MAP1A: variants seen among roughly 807,000 people sequenced by gnomAD.
The protein encoded by MAP1A is microtubule-associated protein 1A.
Under a neutral mutation model 185.9 loss-of-function variants are expected in MAP1A, and 42 were observed. The ratio of observed to expected loss-of-function variants is 0.23; its 90% CI spans 0.18 to 0.29. The LOEUF is 0.29. Among genes scored for constraint, MAP1A ranks in the 10% least tolerant of loss-of-function variants. The probability of loss-of-function intolerance (pLI) is 1.00; values close to 1 mark genes in which losing one functional copy is unlikely to be tolerated. For missense variants in MAP1A, 2,995 were observed against 3,450.4 expected (o/e 0.87, Z 3.31); for synonymous variants, 1,229 against 1,335.9 (o/e 0.92, Z 1.74).
chr15:43,512,450 C>G (rs573208709), intron 2 of MAP1A, among the ~76,000 whole-genome samples: 13 of 152,256 alleles, frequency 8.5e-5, no homozygotes, highest in Admixed American at 3.3e-4. Context: ...TCCCCACATA[C>G]CAAATATACT....
chr15:43,523,803 G>A lies in MAP1A; in HGVS notation c.2330G>A (p.Gly777Glu), dbSNP rs769583385. ...RFHTSTYDLP[G>E]PEGAGPFEAS... is the part of the protein sequence containing the mutation. ...CATACAAGTACATATGACCTGCCCG[G>A]GCCTGAAGGTGCTGGCCCATTCGAA... The change falls in exon 4 of 6, where the codon GGG becomes GAG. Residue 777 changes from glycine to glutamate, a missense_variant. Gly to Glu is a moderately conservative substitution (Grantham distance 98). Transcript: ENST00000300231. 4 of 1,614,018 alleles carry A rather than the reference G, an allele frequency of 2.5e-6. No homozygotes were observed. The highest frequency in any genetic ancestry group is 3.4e-6 in the Non-Finnish European group (4 of 1,180,006).
rs755422596 is a variant in MAP1A at position 43,526,321 on chromosome 15, G to A, written c.4848G>A (p.Glu1616=). ...AAGAGAAGTTAGAAGCTCTTCTGGA[G>A]AAGACCAAAGCTCTGGGCCTGGAAG... ...AMEEKLEALL[E]KTKALGLEES... Residue 1616 remains glutamate, a synonymous_variant, in exon 4 of 6, where the codon GAG becomes GAA. Transcript: ENST00000300231. This position sits in a 1 kb window ranked among gnomAD's most constrained non-coding sequence, Gnocchi z 4.7. The A allele has an allele frequency of 4.3e-6, 7 of 1,614,050 alleles. No homozygotes were observed. The highest frequency in any genetic ancestry group is 5.9e-6 in the Non-Finnish European group (7 of 1,180,016).
chr15:43,526,560 A>T lies in MAP1A; in HGVS notation c.5087A>T (p.Tyr1696Phe). Reference sequence around the variant, plus strand: ...GATGTGGCCTTGGAACAGGACACATACTGGAGGGAGCTAAGCTGTGAGCGG... The same window carrying T: ...GATGTGGCCTTGGAACAGGACACATTCTGGAGGGAGCTAAGCTGTGAGCGG... ...REDVALEQDT[Y>F]WRELSCERKV... is the part of the protein sequence containing the mutation. Residue 1696 changes from tyrosine (Y) to phenylalanine (F), a missense_variant, in exon 4 of 6, where the codon TAC (tyrosine) becomes TTC (phenylalanine). Tyr to Phe is a conservative substitution (Grantham distance 22). Transcript: ENST00000300231. The surrounding 1 kb of genome is among the most constrained non-coding windows in gnomAD (Gnocchi z 4.7). 6.2e-7 allele frequency: 1 copy of T among 1,614,182 alleles called. No individual in the cohort carries two copies. The highest frequency in any genetic ancestry group is 1.1e-5 in the South Asian group (1 of 91,088).
rs565966659 is a variant in MAP1A at position 43,530,440 on chromosome 15, G to A, written c.*216G>A. 3 of 588,696 alleles carry A rather than the reference G, an allele frequency of 5.1e-6. No individual in the cohort carries two copies. The highest frequency in any genetic ancestry group is 5.8e-5 in the East Asian group (2 of 34,440). 36.5% of individuals were successfully genotyped at this position (588,696 alleles called of 1,614,324 possible). On this transcript the variant is annotated 3_prime_UTR_variant, in exon 6 of 6. Transcript: ENST00000300231. ...AAACCAAAGTTAACAGGGAGAGGAT[G>A]GGGGAGGGGACAAATTAGAATAGGA...
rs201503662 is a variant in MAP1A, at chr15:43,527,929, A to G, written c.6456A>G (p.Ser2152=). The change falls in exon 4 of 6, where the codon TCA becomes TCG. Residue 2152 remains serine (S), a synonymous_variant. Coordinates refer to ENST00000300231, the MANE Select transcript of MAP1A (RefSeq NM_002373.6). Reference sequence around the variant, plus strand: ...CACATGTTAGCCCTCCCTTGGACTCACACCTGGGGCCTGCCCGACCCAGTC... The same window carrying G: ...CACATGTTAGCCCTCCCTTGGACTCGCACCTGGGGCCTGCCCGACCCAGTC... ...TEAHVSPPLD[S]HLGPARPSLD... The G allele has an allele frequency of 1.3e-4, 207 of 1,614,056 alleles. No individual in the cohort carries two copies. The African/African-American group carries it at 2.5e-3, about 20-fold the overall frequency.
At chr15:43,519,075 A>G (rs904797455) in intron 1 of MAP1A, among the ~76,000 whole-genome samples, 1 of 152,124 alleles carries the variant, frequency 6.6e-6, no homozygotes, top group Non-Finnish European at 1.5e-5. Flanking sequence ...TCCTACCTCA[A>G]ATTTATGACC....
At chr15:43,517,927 G>C (rs1011441812) in intron 1 of MAP1A, among the ~76,000 whole-genome samples, 5 of 152,348 alleles carry the variant, frequency 3.3e-5, no homozygotes, top group African/African-American at 1.2e-4. Context: ...CACCTCTCCA[G>C]CTGGGCGGGG....
Position 43,528,185 on chromosome 15 carries a change from TCTC to T in MAP1A, c.6715_6717del (p.Pro2239del). The stretch of plus-strand genomic sequence containing the variant: ...ACTGCCCCAGCTCCCATCACCCAGT[TCTC>T]CTGGGGCCCCTCTCCTCTCCAATCT... On this transcript the variant is annotated inframe_deletion, in exon 4 of 6. Transcript: ENST00000300231. The T allele has an allele frequency of 6.2e-7, 1 of 1,613,958 alleles. No individual in the cohort carries two copies. The highest frequency in any genetic ancestry group is 8.5e-7 in the Non-Finnish European group (1 of 1,179,988).
chr15:43,527,498 C>T lies in MAP1A; in HGVS notation c.6025C>T (p.Arg2009Ter), dbSNP rs936047904. The change falls in exon 4 of 6, where the codon CGA (arginine) becomes TGA (stop). Residue 2009 changes from arginine to a stop codon, truncating the protein, a stop_gained. Coordinates refer to ENST00000300231, the MANE Select transcript of MAP1A (RefSeq NM_002373.6). LOFTEE classifies it high-confidence loss of function. ...CTCAACCAAGGAGGCAGCTGCCGGCCGAAACACATCTGCAGAGAAGGAGCT... is the reference window on the plus strand; with the variant it reads ...CTCAACCAAGGAGGCAGCTGCCGGCTGAAACACATCTGCAGAGAAGGAGCT... ...CLSTKEAAAG[R>*]NTSAEKELSS... The T allele has an allele frequency of 1.9e-6, 3 of 1,614,062 alleles. No individual in the cohort carries two copies. Among genetic ancestry groups the T allele is most frequent in the Non-Finnish European group, 2.5e-6 (3 of 1,180,000 alleles).
At chr15:43,512,226 A>G in exon 2 of MAP1A, 1 of 1,549,990 alleles carries the variant, frequency 6.5e-7, no homozygotes, top group East Asian at 2.4e-5. Flanking sequence ...TCATCCTTTG[A>G]CTTGAACCAA....
chr15:43,529,895 A>T lies in MAP1A; in HGVS notation c.8256+25A>T, dbSNP rs1360060891. On this transcript the variant is annotated intron_variant, in intron 5 of 5. Transcript: ENST00000300231. The surrounding 1 kb of genome is among the most constrained non-coding windows in gnomAD (Gnocchi z 4.3). ...GGTGAGTAGCAAAGGACACCAAGGA[A>T]GTAGTCTGGTCAACGCTCACTCAGA... 6.2e-7 allele frequency: 1 copy of T among 1,606,868 alleles called. No homozygotes were observed. Among genetic ancestry groups the T allele is most frequent in the South Asian group, 1.1e-5 (1 of 90,816 alleles).
chr15:43,525,018 A>G lies in MAP1A; in HGVS notation c.3545A>G (p.His1182Arg). The G allele has an allele frequency of 6.2e-7, 1 of 1,614,154 alleles. No homozygotes were observed. The highest frequency in any genetic ancestry group is 1.1e-5 in the South Asian group (1 of 91,086). ...TGTGGCCTGACAGAACAGTACCTAC[A>G]CAAAGACCGTTGGCCAGAGGTATCT... ...SPCGLTEQYL[H>R]KDRWPEVSPE... Residue 1182 changes from histidine (H) to arginine (R), a missense_variant, in exon 4 of 6, where the codon CAC becomes CGC. His to Arg is a conservative substitution (Grantham distance 29). Coordinates refer to ENST00000300231, the MANE Select transcript of MAP1A (RefSeq NM_002373.6).
intron 1 of MAP1A, among the ~76,000 whole-genome samples, chr15:43,518,642 C>T (rs578242118): frequency 6.6e-6 from 1 of 152,150 alleles, no homozygotes; most frequent in East Asian, 1.9e-4. Context: ...AAACGGTCCC[C>T]CTCCCCTTCT....
At position 43,524,863 on chromosome 15, in the gene MAP1A, C is replaced by G. The variant is rs761158415; in HGVS notation, c.3390C>G (p.Gly1130=). Residue 1130 remains glycine, a synonymous_variant, in exon 4 of 6, where the codon GGC becomes GGG. Coordinates refer to ENST00000300231, the MANE Select transcript of MAP1A (RefSeq NM_002373.6). ...GGLRTLPQEP[G]KPQKDEVLRY... ...TGAGGACTTTACCCCAAGAACCTGG[C>G]AAACCTCAGAAAGATGAGGTGCTCA... 3 of 1,614,058 alleles carry G rather than the reference C, an allele frequency of 1.9e-6. No homozygotes were observed. The highest frequency in any genetic ancestry group is 1.3e-5 in the African/African-American group (1 of 74,912).
chr15:43,520,695 AT>A lies in MAP1A; in HGVS notation c.-319del, dbSNP rs779375905. The A allele has an allele frequency of 1.9e-6, 3 of 1,550,494 alleles. No individual in the cohort carries two copies. In the South Asian group the frequency reaches 3.6e-5, roughly 18 times the overall value. On this transcript the variant is annotated 5_prime_UTR_variant, in exon 2 of 6. Coordinates refer to ENST00000300231, the MANE Select transcript of MAP1A (RefSeq NM_002373.6). The stretch of plus-strand genomic sequence containing the variant: ...ATCCTAGAGACCATCATCCTGGTAA[AT>A]CCCAGTGCAGACAGCATCAGCTCTG...
chr15:43,522,146 G>A lies in MAP1A; in HGVS notation c.673G>A (p.Ala225Thr), dbSNP rs1395461845. ...LMQKWAGNSK[A>T]KTGIVLPNGK... ...GCAAAAGTGGGCAGGCAATAGTAAA[G>A]CCAAGACAGGCATCGTGCTGCCCAA... The change falls in exon 4 of 6, where the codon GCC becomes ACC. Residue 225 changes from alanine to threonine, a missense_variant. By Grantham distance (58) the Ala-to-Thr change is moderately conservative (BLOSUM62 0). This residue lies in a region of MAP1A where 264 missense variants were observed against 435.3 expected (regional missense o/e 0.61). Transcript: ENST00000300231. The surrounding 1 kb of genome is among the most constrained non-coding windows in gnomAD (Gnocchi z 5.9). 6.2e-7 allele frequency: 1 copy of A among 1,614,122 alleles called. No homozygotes were observed. Among genetic ancestry groups the A allele is most frequent in the Non-Finnish European group, 8.5e-7 (1 of 1,180,062 alleles).
At chr15:43,517,762 G>A in intron 1 of MAP1A, 62 bp downstream of exon 1, 1 of 572,664 alleles carries the variant, frequency 1.7e-6, no homozygotes, top group Non-Finnish European at 2.2e-6. Context: ...GGTGGGATGG[G>A]GGTCATGGAA....
chr15:43,528,445 G>A lies in MAP1A; in HGVS notation c.6972G>A (p.Leu2324=), dbSNP rs747275504. 4 of 1,613,404 alleles carry A rather than the reference G, an allele frequency of 2.5e-6. No individual in the cohort carries two copies. The highest frequency in any genetic ancestry group is 4.5e-5 in the East Asian group (2 of 44,896). ...LDLALAPAPS[L]PGDMGDGILP... is the part of the protein sequence containing the mutation. ...TGGCCCTAGCTCCAGCTCCAAGCCT[G>A]CCTGGAGACATGGGTGATGGCATCC... The change falls in exon 4 of 6, where the codon CTG becomes CTA. Residue 2324 remains leucine, a synonymous_variant. Transcript: ENST00000300231.
chr15:43,521,769 A>G lies in MAP1A; in HGVS notation c.296A>G (p.Asn99Ser), dbSNP rs2079320123. The G allele has an allele frequency of 1.2e-6, 2 of 1,614,238 alleles. No individual in the cohort carries two copies. Among genetic ancestry groups the G allele is most frequent in the Non-Finnish European group, 1.7e-6 (2 of 1,180,040 alleles). Residue 99 changes from asparagine to serine, a missense_variant, in exon 4 of 6, where the codon AAT (asparagine) becomes AGT (serine). Asn to Ser is a conservative substitution (Grantham distance 46). Transcript: ENST00000300231. This position sits in a 1 kb window ranked among gnomAD's most constrained non-coding sequence, Gnocchi z 4.6. The part of the protein sequence containing the change: ...HIGADNLPGI[N>S]GLLQRKVAEL... ...GGGGCAGACAACCTGCCAGGCATCA[A>G]TGGACTACTGCAGCGCAAAGTGGCA...
Sources: allele counts gnomAD v4.1 joint callset (sites outside exome capture counted in the v4.1 genomes callset), GRCh38; gene constraint gnomAD v4.1.1; regional missense constraint gnomAD v4.1.1; non-coding constraint Gnocchi (gnomAD v3.1); transcripts MANE v1.5; gene names NCBI Gene and HGNC (gene_info 2026-07-23, HGNC 2026-07-21).